Variants in LARGE1 observed in about 807,000 individuals in gnomAD.
LARGE1 encodes LARGE xylosyl- and glucuronyltransferase 1.
LARGE1 carries 43 observed loss-of-function variants against 87.6 expected under a neutral mutation model. That is an observed-to-expected ratio of 0.49 (90% CI 0.38 to 0.63). LARGE1 has a LOEUF of 0.63. Ranked by LOEUF, LARGE1 falls within the 30% of genes least tolerant of loss-of-function variation. The pLI, the probability that LARGE1 is intolerant of heterozygous loss-of-function variation, is 0.00. For synonymous variants in LARGE1, 434 were observed against 394.6 expected (o/e 1.10, Z -1.18); for missense variants, 802 against 1,000.2 (o/e 0.80, Z 2.67).
At chr22:33,662,572 T>C (rs2081160464) in intron 2 of LARGE1, among the ~76,000 whole-genome samples, 2 of 152,098 alleles carry the variant, frequency 1.3e-5, no homozygotes, top group African/African-American at 2.4e-5. Flanking sequence ...TCTTCGATAG[T>C]GGAACCAGAT....
intron 13 of LARGE1, among the ~76,000 whole-genome samples, chr22:33,280,858 C>T (rs1349072499): frequency 6.6e-6 from 1 of 152,234 alleles, no homozygotes; most frequent in Non-Finnish European, 1.5e-5. Flanking sequence ...ATCTGGAAGA[C>T]TGGTTCCAAT....
intron 1 of LARGE1, among the ~76,000 whole-genome samples, chr22:33,916,461 TAACGAAGCC>T (rs1390680429): frequency 6.6e-6 from 1 of 152,178 alleles, no homozygotes; most frequent in African/African-American, 2.4e-5. Context: ...AAAATACATT[TAACGAAGCC>T]TTTCACTCGT....
At chr22:33,782,162 T>C (rs2085443669) in intron 1 of LARGE1, among the ~76,000 whole-genome samples, 1 of 152,228 alleles carries the variant, frequency 6.6e-6, no homozygotes. Context: ...CTGTTTGTTT[T>C]ATCCTCCTCC....
chr22:33,369,569 T>C (rs188954457), intron 9 of LARGE1, among the ~76,000 whole-genome samples: 1 of 152,148 alleles, frequency 6.6e-6, no homozygotes, highest in East Asian at 1.9e-4. Context: ...CTTTTCTTTT[T>C]CTTTTTTATT....
chr22:33,539,299 C>A (rs2077124745), intron 6 of LARGE1, among the ~76,000 whole-genome samples: 1 of 151,614 alleles, frequency 6.6e-6, no homozygotes, highest in East Asian at 1.9e-4. Context: ...CCTGCCAGCT[C>A]TTTTAATAAA....
chr22:33,823,937 T>G (rs557998669), intron 1 of LARGE1, among the ~76,000 whole-genome samples: 2 of 152,146 alleles, frequency 1.3e-5, no homozygotes, highest in Non-Finnish European at 2.9e-5. Flanking sequence ...CCCTGTTAAG[T>G]GTCTACCAGT....
intron 7 of LARGE1, among the ~76,000 whole-genome samples, chr22:33,403,813 A>G (rs942462834): frequency 1.3e-5 from 2 of 152,128 alleles, no homozygotes; most frequent in East Asian, 1.9e-4. Flanking sequence ...CATGTTGGCC[A>G]GGCTTGTCTC....
intron 11 of LARGE1, among the ~76,000 whole-genome samples, chr22:33,196,686 T>A (rs542944842): frequency 6.7e-6 from 1 of 149,940 alleles, no homozygotes. Flanking sequence ...AATAAGAATA[T>A]TATAAATGAA....
intron 7 of LARGE1, among the ~76,000 whole-genome samples, chr22:33,407,564 A>T (rs1192546248): frequency 2.0e-5 from 3 of 152,194 alleles, no homozygotes; most frequent in African/African-American, 4.8e-5. Context: ...CTAGGCATCA[A>T]TACTAGTTCT....
chr22:33,740,441 C>T (rs1287247746), intron 2 of LARGE1, among the ~76,000 whole-genome samples: 3 of 152,216 alleles, frequency 2.0e-5, no homozygotes, highest in Non-Finnish European at 4.4e-5. Context: ...TCCATCATCT[C>T]ATCTCCTGGT....
chr22:33,088,279 C>A, the LARGE1 span, among the ~76,000 whole-genome samples: 18 of 152,198 alleles, frequency 1.2e-4, no homozygotes, highest in Middle Eastern at 3.4e-3. Flanking sequence ...AGCATGGCAT[C>A]ATGGAAAAAG....
chr22:33,109,750 CT>C, the LARGE1 span, among the ~76,000 whole-genome samples: 1 of 152,106 alleles, frequency 6.6e-6, no homozygotes, highest in Non-Finnish European at 1.5e-5. Context: ...TCAAGAATGA[CT>C]TGGTGTCCTC....
chr22:33,444,071 G>A (rs2067595731), intron 6 of LARGE1, among the ~76,000 whole-genome samples: 1 of 152,216 alleles, frequency 6.6e-6, no homozygotes, highest in Non-Finnish European at 1.5e-5. Context: ...TGTTTAATTT[G>A]TTAATTTCTC....
intron 2 of LARGE1, among the ~76,000 whole-genome samples, chr22:33,714,883 C>A (rs1257902509): frequency 1.3e-5 from 2 of 152,038 alleles, no homozygotes; most frequent in African/African-American, 4.8e-5. Context: ...ACATTCCTCA[C>A]CCGCTTCAGA....
chr22:33,354,710 T>C (rs1277975805), intron 9 of LARGE1, among the ~76,000 whole-genome samples: 1 of 152,206 alleles, frequency 6.6e-6, no homozygotes, highest in Non-Finnish European at 1.5e-5. Flanking sequence ...AAACAATGAG[T>C]ATAAAATGTA....
chr22:33,098,223 A>ACTTGAGG, the LARGE1 span, among the ~76,000 whole-genome samples: 1 of 152,054 alleles, frequency 6.6e-6, no homozygotes, highest in Non-Finnish European at 1.5e-5. Context: ...TGGGAGGATC[A>ACTTGAGG]CTTGAGGCTT....
upstream of LARGE1, among the ~76,000 whole-genome samples, chr22:33,920,646 GC>G (rs537834683): frequency 0.079 from 11,514 of 145,074 alleles, 587 homozygotes; most frequent in East Asian, 0.26. Context: ...TAGGGGAGGC[GC>G]CCCGGGAAGG....
intron 11 of LARGE1, among the ~76,000 whole-genome samples, chr22:33,310,106 T>A (rs1935397249): frequency 6.6e-6 from 1 of 152,168 alleles, no homozygotes; most frequent in Non-Finnish European, 1.5e-5. Context: ...CACCCGAGAT[T>A]CTGGTTCAGG....
intron 7 of LARGE1, among the ~76,000 whole-genome samples, chr22:33,396,420 G>C (rs1447520848): frequency 2.1e-5 from 3 of 146,204 alleles, no homozygotes; most frequent in African/African-American, 7.7e-5. Flanking sequence ...CTTCCTGAAA[G>C]CTTTTTGAGA....
Sources: gnomAD v4.1 joint callset for allele counts (sites outside exome capture counted in the v4.1 genomes callset) on GRCh38, gnomAD v4.1.1 for gene constraint, MANE v1.5 for transcripts, NCBI Gene and HGNC (gene_info 2026-07-23, HGNC 2026-07-21) for gene names.